The following DAB1 variants were observed in gnomAD, a reference collection of about 807,000 sequenced individuals.
DAB1 encodes DAB adaptor protein 1.
Under a neutral mutation model 64.6 loss-of-function variants are expected in DAB1, and 15 were observed. That is an observed-to-expected ratio of 0.23 (90% confidence interval 0.16 to 0.36). The LOEUF (loss-of-function observed/expected upper bound fraction) is 0.36, where lower values mean the gene tolerates loss of function less well. Ranked by LOEUF, DAB1 falls within the 10% of genes least tolerant of loss-of-function variation. DAB1 has a pLI of 1.00. For synonymous variants in DAB1, 235 were observed against 251.9 expected (o/e 0.93, Z 0.64); for missense variants, 596 against 706.7 (o/e 0.84, Z 1.78).
At chr1:58,263,650 A>AT (rs571533286) in intron 4 of DAB1, among the ~76,000 whole-genome samples, 15 of 152,254 alleles carry the variant, frequency 9.9e-5, no homozygotes, top group Non-Finnish European at 1.8e-4. Context: ...TGTGGCCAGC[A>AT]TAGTACCTGG....
At chr1:57,455,895 C>T (rs894909490) in intron 7 of DAB1, among the ~76,000 whole-genome samples, 2 of 152,166 alleles carry the variant, frequency 1.3e-5, no homozygotes, top group African/African-American at 2.4e-5. Context: ...TCTTGCGGAA[C>T]ATTGCTGTTG....
intron 1 of DAB1, among the ~76,000 whole-genome samples, chr1:57,326,702 C>CTT (rs1676184450): frequency 6.6e-6 from 1 of 152,170 alleles, no homozygotes; most frequent in Admixed American, 6.5e-5. Context: ...CAGTCACTTT[C>CTT]TTCCGGTATC....
At chr1:57,545,079 C>G (rs1452892780) in intron 7 of DAB1, among the ~76,000 whole-genome samples, 1 of 152,204 alleles carries the variant, frequency 6.6e-6, no homozygotes, top group East Asian at 1.9e-4. Flanking sequence ...CTGGCTACCT[C>G]TCTGATCCCA....
intron 3 of DAB1, among the ~76,000 whole-genome samples, chr1:58,433,605 G>GTGTGTGTGTGTGTGTGTT (rs1644908636): frequency 6.7e-6 from 1 of 149,458 alleles, no homozygotes; most frequent in Non-Finnish European, 1.5e-5. Flanking sequence ...GAGTGTGTGT[G>GTGTGTGTGTGTGTGTGTT]TGTGTGTGTG....
chr1:57,752,414 G>A (rs1227383948), intron 6 of DAB1, among the ~76,000 whole-genome samples: 2 of 152,294 alleles, frequency 1.3e-5, no homozygotes, highest in East Asian at 1.9e-4. Flanking sequence ...CATGGGGTGT[G>A]GGGACATCGT....
intron 4 of DAB1, among the ~76,000 whole-genome samples, chr1:57,100,465 A>G (rs1654568612): frequency 6.6e-6 from 1 of 152,202 alleles, no homozygotes. Flanking sequence ...CTCCATCCTC[A>G]GGTTGCAAAG....
intron 7 of DAB1, among the ~76,000 whole-genome samples, chr1:57,515,104 CAAAG>C (rs1248201143): frequency 1.4e-5 from 2 of 148,140 alleles, no homozygotes; most frequent in Non-Finnish European, 3.0e-5. Flanking sequence ...ATTATTCTGT[CAAAG>C]AAAGAAAGAA....
At chr1:57,014,738 C>A in intron 12 of DAB1, 145 bp downstream of exon 12, 1 of 562,096 alleles carries the variant, frequency 1.8e-6, no homozygotes, top group Non-Finnish European at 3.0e-6. Flanking sequence ...ATTGGCAGCT[C>A]ATAGTAGTAT....
chr1:57,084,671 G>A (rs146609774), intron 4 of DAB1, among the ~76,000 whole-genome samples: 79 of 152,224 alleles, frequency 5.2e-4, no homozygotes, highest in African/African-American at 1.5e-3. Context: ...AAAATGAAGG[G>A]GCAGGAATGA....
chr1:57,154,266 C>G (rs1332628704), intron 2 of DAB1, among the ~76,000 whole-genome samples: 1 of 152,080 alleles, frequency 6.6e-6, no homozygotes, highest in Admixed American at 6.5e-5. Context: ...TTTTTAGATC[C>G]CACAAATAAG....
intron 2 of DAB1, among the ~76,000 whole-genome samples, chr1:58,520,009 A>G (rs1646236991): frequency 6.6e-6 from 1 of 152,184 alleles, no homozygotes; most frequent in South Asian, 2.1e-4. Context: ...TGATTAGCCT[A>G]TTGCATGTTC....
chr1:57,780,500 A>T (rs1216209733), intron 6 of DAB1, among the ~76,000 whole-genome samples: 2 of 152,190 alleles, frequency 1.3e-5, no homozygotes, highest in Non-Finnish European at 2.9e-5. Context: ...CTGCACTCAA[A>T]TAAATGTAGT....
intron 9 of DAB1, among the ~76,000 whole-genome samples, chr1:57,029,843 G>A (rs750530266): frequency 5.9e-5 from 9 of 152,174 alleles, no homozygotes; most frequent in Non-Finnish European, 1.3e-4. Context: ...GCTTGCTTTT[G>A]ATTTTACAGA....
intron 2 of DAB1, among the ~76,000 whole-genome samples, chr1:57,261,398 C>T (rs1027581804): frequency 1.3e-5 from 2 of 152,174 alleles, no homozygotes; most frequent in Non-Finnish European, 2.9e-5. Context: ...CAATCCACTT[C>T]GCCCCCATAG....
intron 5 of DAB1, among the ~76,000 whole-genome samples, chr1:58,088,525 C>T (rs998193235): frequency 9.2e-5 from 14 of 152,132 alleles, no homozygotes; most frequent in Non-Finnish European, 1.9e-4. Flanking sequence ...GTTTAGCACA[C>T]GCTTGACCCC....
intron 7 of DAB1, among the ~76,000 whole-genome samples, chr1:57,469,071 T>A (rs1687053658): frequency 6.6e-6 from 1 of 152,210 alleles, no homozygotes; most frequent in Non-Finnish European, 1.5e-5. Context: ...TTCTTTAAGC[T>A]TGTGTTGAAA....
At chr1:57,406,166 G>T (rs1205436340) in intron 1 of DAB1, among the ~76,000 whole-genome samples, 1 of 152,156 alleles carries the variant, frequency 6.6e-6, no homozygotes, top group Admixed American at 6.5e-5. Flanking sequence ...GCCCATGAGG[G>T]CAGCTATTGT....
intron 1 of DAB1, among the ~76,000 whole-genome samples, chr1:57,389,060 T>TC (rs1347385150): frequency 6.6e-6 from 1 of 152,024 alleles, no homozygotes; most frequent in East Asian, 1.9e-4. Context: ...ATGCCTCAAC[T>TC]CCCCCCTTAT....
intron 14 of DAB1, among the ~76,000 whole-genome samples, chr1:57,009,206 A>G (rs1474019645): frequency 6.6e-6 from 1 of 152,222 alleles, no homozygotes; most frequent in African/African-American, 2.4e-5. Flanking sequence ...CACGTGAAAT[A>G]CAACTTAGGC....
Sources: allele counts gnomAD v4.1 joint callset (sites outside exome capture counted in the v4.1 genomes callset), GRCh38; gene constraint gnomAD v4.1.1; transcripts MANE v1.5; gene names NCBI Gene and HGNC (gene_info 2026-07-23, HGNC 2026-07-21).